Variants in RYR2 observed in about 807,000 individuals in gnomAD.
The protein encoded by RYR2 is ryanodine receptor 2.
RYR2 carries 227 observed loss-of-function variants against 601.1 expected under a neutral mutation model. That is an observed-to-expected ratio of 0.38 (90% confidence interval 0.34 to 0.42). The LOEUF is 0.42. Ranked by LOEUF, RYR2 falls within the 10% of genes least tolerant of loss-of-function variation. RYR2 has a pLI of 1.00. For synonymous variants in RYR2, 2,223 were observed against 2,175.1 expected, an observed-to-expected ratio of 1.02 and a Z score of -0.61; for missense variants, 4,646 against 6,156.5, an observed-to-expected ratio of 0.75 and a Z score of 8.21.
intron 41 of RYR2, 25 bp downstream of exon 41, chr1:237,628,105 C>T (rs777114991): frequency 6.2e-7 from 1 of 1,606,238 alleles, no homozygotes; most frequent in South Asian, 1.1e-5. Context: ...TACTACAACC[C>T]TTTGTCTCGT....
intron 1 of RYR2, among the ~76,000 whole-genome samples, chr1:237,181,931 AC>A (rs368517697): frequency 1.4e-4 from 21 of 152,266 alleles, no homozygotes; most frequent in Non-Finnish European, 2.5e-4. Flanking sequence ...GCAGTGACTC[AC>A]CATTGCCAGA....
chr1:237,260,733 T>A (rs1208152926), intron 1 of RYR2, among the ~76,000 whole-genome samples: 2 of 152,232 alleles, frequency 1.3e-5, no homozygotes. Context: ...TAAATTATAG[T>A]GTACTAAGTA....
chr1:237,622,575 A>G (rs1004846801), intron 38 of RYR2, among the ~76,000 whole-genome samples: 4 of 152,112 alleles, frequency 2.6e-5, no homozygotes, highest in Admixed American at 1.3e-4. Context: ...GGTCCTCTCT[A>G]TCTGTGGGTT....
At chr1:237,341,205 T>C (rs866402943) in intron 3 of RYR2, among the ~76,000 whole-genome samples, 6 of 152,204 alleles carry the variant, frequency 3.9e-5, no homozygotes, top group Non-Finnish European at 5.9e-5. Flanking sequence ...TGTGTGTGTT[T>C]ATAATAGAAA....
At chr1:237,400,364 G>A (rs1168185088) in intron 10 of RYR2, among the ~76,000 whole-genome samples, 1 of 152,190 alleles carries the variant, frequency 6.6e-6, no homozygotes, top group Non-Finnish European at 1.5e-5. Context: ...GAGGTGGCAA[G>A]AGGTCAGAAG....
chr1:237,214,649 G>A (rs1488135519), intron 1 of RYR2, among the ~76,000 whole-genome samples: 1 of 152,114 alleles, frequency 6.6e-6, no homozygotes, highest in Non-Finnish European at 1.5e-5. Context: ...GAGCTTTGGA[G>A]GTAACAAATA....
At chr1:237,119,420 G>A (rs902902915) in intron 1 of RYR2, among the ~76,000 whole-genome samples, 1 of 152,158 alleles carries the variant, frequency 6.6e-6, no homozygotes, top group Non-Finnish European at 1.5e-5. Flanking sequence ...ATGTGTGTGT[G>A]TGCATGTGTG....
At chr1:237,693,999 A>G (rs912491803) in intron 63 of RYR2, among the ~76,000 whole-genome samples, 2 of 152,228 alleles carry the variant, frequency 1.3e-5, no homozygotes, top group Non-Finnish European at 2.9e-5. Flanking sequence ...GACACATATA[A>G]TAAAAGAAAA....
At chr1:237,252,229 C>A (rs1687532582) in intron 1 of RYR2, among the ~76,000 whole-genome samples, 2 of 151,990 alleles carry the variant, frequency 1.3e-5, no homozygotes, top group South Asian at 4.1e-4. Flanking sequence ...CTGGTCTCTG[C>A]ACTCATTTCC....
chr1:237,389,382 A>G (rs941770836), intron 10 of RYR2, among the ~76,000 whole-genome samples: 1 of 152,180 alleles, frequency 6.6e-6, no homozygotes, highest in Non-Finnish European at 1.5e-5. Flanking sequence ...GCTGGCTTCT[A>G]TTCTGAGGTT....
At chr1:237,361,912 G>C (rs1342158311) in intron 4 of RYR2, among the ~76,000 whole-genome samples, 1 of 152,084 alleles carries the variant, frequency 6.6e-6, no homozygotes, top group Non-Finnish European at 1.5e-5. Flanking sequence ...ATAATCATTT[G>C]CATTTGCTAA....
chr1:237,054,735 T>C (rs1479489860), intron 1 of RYR2, among the ~76,000 whole-genome samples: 1 of 152,118 alleles, frequency 6.6e-6, no homozygotes, highest in Non-Finnish European at 1.5e-5. Context: ...TTTGTTTGAG[T>C]CGTATTTTTA....
chr1:237,653,563 A>T (rs1682960501), intron 51 of RYR2, among the ~76,000 whole-genome samples: 1 of 152,174 alleles, frequency 6.6e-6, no homozygotes, highest in Non-Finnish European at 1.5e-5. Context: ...AAAGAGACAT[A>T]GTGTCTTAGC....
intron 1 of RYR2, among the ~76,000 whole-genome samples, chr1:237,083,390 C>T (rs1297881987): frequency 6.6e-6 from 1 of 152,200 alleles, no homozygotes; most frequent in Non-Finnish European, 1.5e-5. Flanking sequence ...GTAACCCTCC[C>T]TCAGCACTTC....
chr1:237,073,688 G>A (rs889577507), intron 1 of RYR2, among the ~76,000 whole-genome samples: 2 of 152,068 alleles, frequency 1.3e-5, no homozygotes, highest in Non-Finnish European at 2.9e-5. Context: ...TGGCCAACAT[G>A]GCAAAACCCC....
intron 17 of RYR2, among the ~76,000 whole-genome samples, chr1:237,481,862 T>G (rs1662149815): frequency 6.7e-6 from 1 of 148,960 alleles, no homozygotes; most frequent in Non-Finnish European, 1.5e-5. Flanking sequence ...TTGGATCTTG[T>G]GCCAACATGG....
chr1:237,550,444 GT>G, intron 26 of RYR2, 99 bp from the exon 27 acceptor site: 1 of 1,400,416 alleles, frequency 7.1e-7, no homozygotes, highest in Non-Finnish European at 9.8e-7. Flanking sequence ...GAAGGGTCAC[GT>G]TTTTCTCATG....
intron 25 of RYR2, among the ~76,000 whole-genome samples, chr1:237,536,665 C>G (rs1318779979): frequency 8.5e-6 from 1 of 118,108 alleles, no homozygotes; most frequent in African/African-American, 3.3e-5. Flanking sequence ...CAGTGAGCCG[C>G]GATAGTGCCA....
At chr1:237,256,996 T>C (rs549695683) in intron 1 of RYR2, among the ~76,000 whole-genome samples, 1 of 152,326 alleles carries the variant, frequency 6.6e-6, no homozygotes, top group Non-Finnish European at 1.5e-5. Flanking sequence ...TTCTGTAAAT[T>C]TGTTTTTCAT....
Sources: gnomAD v4.1 joint callset for allele counts (sites outside exome capture counted in the v4.1 genomes callset) on GRCh38, gnomAD v4.1.1 for gene constraint, MANE v1.5 for transcripts, NCBI Gene and HGNC (gene_info 2026-07-23, HGNC 2026-07-21) for gene names.